The following IFT122 variants were observed in gnomAD, a reference collection of about 807,000 sequenced individuals.
IFT122 encodes the protein intraflagellar transport protein 122 homolog.
A neutral mutation model predicts 161.6 loss-of-function variants in IFT122; 118 were observed. That is an observed-to-expected ratio of 0.73 (90% CI 0.63 to 0.85). The LOEUF is 0.85. Ranked by LOEUF, IFT122 falls within the 40% of genes least tolerant of loss-of-function variation. The pLI, the probability that IFT122 is intolerant of heterozygous loss-of-function variation, is 0.00. For missense variants in IFT122, 1,381 were observed against 1,579.6 expected (o/e 0.87, Z 2.13); for synonymous variants, 550 against 602.4 (o/e 0.91, Z 1.27).
At chr3:129,476,583 A>C in intron 10 of IFT122, 77 bp downstream of exon 10, 1 of 1,613,492 alleles carries the variant, frequency 6.2e-7, no homozygotes, top group Non-Finnish European at 8.5e-7. Flanking sequence ...GAGTCACATC[A>C]CTGGGGTTTG....
chr3:129,472,799 T>G, intron 9 of IFT122, among the ~76,000 whole-genome samples: 1 of 152,200 alleles, frequency 6.6e-6, no homozygotes, highest in East Asian at 1.9e-4. Context: ...ATCTTCAGAT[T>G]AGAGGATTTC....
At chr3:129,514,621 C>T in intron 25 of IFT122, 67 bp downstream of exon 25, 1 of 1,577,228 alleles carries the variant, frequency 6.3e-7, no homozygotes, top group Admixed American at 1.7e-5. Flanking sequence ...TGCCTTCTTG[C>T]CTGGCCTGGG....
rs1321674050 is a variant in IFT122 at position 129,478,199 on chromosome 3, A to G, written c.1331A>G (p.Asn444Ser). The change falls in exon 12 of 30, where the codon AAT becomes AGT. Residue 444 changes from asparagine (N) to serine (S), a missense_variant. Coordinates refer to ENST00000348417, the MANE Select transcript of IFT122 (RefSeq NM_052989.3). ...FECNLLVVCA[N>S]HIILCQEKRL... The stretch of plus-strand genomic sequence containing the variant: ...TGCAACCTCCTGGTGGTGTGTGCCA[A>G]TCACATCATCCTGTGCCAGGTGGGC... 1.1e-5 allele frequency: 17 copies of G among 1,614,084 alleles called. No homozygotes were observed. The Admixed American group carries it at 1.2e-4, about 11-fold the overall frequency.
intron 23 of IFT122, among the ~76,000 whole-genome samples, chr3:129,510,577 C>G (rs1190643252): frequency 6.6e-6 from 1 of 152,100 alleles, no homozygotes; most frequent in East Asian, 1.9e-4. Context: ...TCACTTTGCC[C>G]AAGCCACTCC....
intron 3 of IFT122, among the ~76,000 whole-genome samples, chr3:129,454,513 T>TTTTTTGTG: frequency 7.6e-6 from 1 of 131,280 alleles, no homozygotes; most frequent in South Asian, 2.7e-4. Flanking sequence ...GTAGTCATAT[T>TTTTTTGTG]TGTGTGTGTG....
rs766644614 is a variant in IFT122 at position 129,464,794 on chromosome 3, T to G, written c.563+13T>G. On this transcript the variant is annotated intron_variant, in intron 7 of 29. Coordinates refer to ENST00000348417, the MANE Select transcript of IFT122 (RefSeq NM_052989.3). Reference sequence around the variant, plus strand: ...GGAACCCTTCAAGGTACTCTTAAAGTTGTCCTCCTTCTAGAACAAACACCA... The same window carrying G: ...GGAACCCTTCAAGGTACTCTTAAAGGTGTCCTCCTTCTAGAACAAACACCA... 2.5e-6 allele frequency: 4 copies of G among 1,613,960 alleles called. No individual in the cohort carries two copies. The Admixed American group carries it at 6.7e-5, about 27-fold the overall frequency.
chr3:129,516,090 C>T (rs1578182504), intron 26 of IFT122, among the ~76,000 whole-genome samples: 1 of 135,504 alleles, frequency 7.4e-6, no homozygotes, highest in East Asian at 2.5e-4. Flanking sequence ...CACACACAGA[C>T]TGCTCCTGCA....
chr3:129,480,284 A>AG (rs772371247), intron 13 of IFT122, among the ~76,000 whole-genome samples: 14 of 152,340 alleles, frequency 9.2e-5, no homozygotes, highest in Non-Finnish European at 5.9e-5. Flanking sequence ...TGATTAGGGC[A>AG]GCGAGTGGAT....
In IFT122 at chr3:129,481,511, T is replaced by G. The variant is rs765103886; in HGVS notation, c.1489-19T>G. ...TGTTGCCATGGTGACTGACACTGTT[T>G]TCGCTGAAATTTTGCCAGATCCTGA... is the stretch of plus-strand genomic sequence containing the variant. On this transcript the variant is annotated intron_variant, in intron 13 of 29. Transcript: ENST00000348417. 1.3e-6 allele frequency: 2 copies of G among 1,508,006 alleles called. No homozygotes were observed. Among genetic ancestry groups the G allele is most frequent in the Non-Finnish European group, 1.8e-6 (2 of 1,084,936 alleles). The allele number at this position is 1,508,006 out of a possible 1,614,324, so 93.4% of individuals were successfully genotyped here.
intron 1 of IFT122, among the ~76,000 whole-genome samples, chr3:129,441,306 TCA>T (rs1180319422): frequency 6.6e-6 from 1 of 152,204 alleles, no homozygotes; most frequent in Non-Finnish European, 1.5e-5. Context: ...TCTCCTCATC[TCA>T]CACGGAAATC....
Position 129,520,203 on chromosome 3 carries a change from C to T in IFT122, c.3664C>T (p.Leu1222=). The T allele has an allele frequency of 6.2e-7, 1 of 1,612,390 alleles. No individual in the cohort carries two copies. The highest frequency in any genetic ancestry group is 1.7e-5 in the Admixed American group (1 of 59,998). Reference sequence around the variant, plus strand: ...GTTCCATTCTGAGGACTATGAGTTGCTGGTGCTTCAGCATGGCTGCTGCCC... The same window carrying T: ...GTTCCATTCTGAGGACTATGAGTTGTTGGTGCTTCAGCATGGCTGCTGCCC... ...QMFHSEDYEL[L]VLQHGCCPYC... The change falls in exon 30 of 30, where the codon CTG becomes TTG. Residue 1222 remains leucine, a synonymous_variant. Coordinates refer to ENST00000348417, the MANE Select transcript of IFT122 (RefSeq NM_052989.3).
chr3:129,483,431 G>T, intron 14 of IFT122, 54 bp from the exon 15 acceptor site: 3 of 1,498,178 alleles, frequency 2.0e-6, no homozygotes, highest in East Asian at 2.3e-5. Context: ...ATGTGTGAGC[G>T]CTGACCAAGC....
rs1329909665 is a variant in IFT122, at chr3:129,499,941, C to T, written c.2248C>T (p.Leu750=). The T allele has an allele frequency of 1.2e-6, 2 of 1,614,216 alleles. No homozygotes were observed. Among genetic ancestry groups the T allele is most frequent in the Non-Finnish European group, 1.7e-6 (2 of 1,180,038 alleles). The change falls in exon 19 of 30, where the codon CTA becomes TTA. Residue 750 remains leucine (L), a synonymous_variant. Transcript: ENST00000348417. The part of the protein sequence containing the change: ...GSGDPKETKM[L]ITKQADWARN... ...TGGAGACCCCAAAGAAACAAAGATG[C>T]TAATCACCAAACAGGCTGACTGGGC...
intron 11 of IFT122, 82 bp from the exon 12 acceptor site, chr3:129,477,934 G>A (rs766830993): frequency 1.2e-5 from 14 of 1,201,814 alleles, no homozygotes; most frequent in Non-Finnish European, 1.6e-5. Flanking sequence ...GTAGCGCTAA[G>A]TAAATGATGG....
chr3:129,493,110 G>A (rs1374672998), intron 17 of IFT122, among the ~76,000 whole-genome samples: 1 of 152,102 alleles, frequency 6.6e-6, no homozygotes, highest in Non-Finnish European at 1.5e-5. Flanking sequence ...GAGCTACCAT[G>A]CCCGGCCCTT....
At chr3:129,483,110 T>C (rs1374834336) in intron 14 of IFT122, among the ~76,000 whole-genome samples, 4 of 151,676 alleles carry the variant, frequency 2.6e-5, no homozygotes, top group African/African-American at 9.7e-5. Flanking sequence ...TGCCCCTCCC[T>C]CTACACATAA....
intron 1 of IFT122, among the ~76,000 whole-genome samples, chr3:129,445,118 G>A (rs2073826503): frequency 6.6e-6 from 1 of 152,102 alleles, no homozygotes; most frequent in Non-Finnish European, 1.5e-5. Flanking sequence ...TTGAGGTCAG[G>A]AGTTCGAGAC....
intron 22 of IFT122, 90 bp from the exon 23 acceptor site, chr3:129,507,578 G>A: frequency 1.0e-6 from 1 of 960,772 alleles, no homozygotes; most frequent in Non-Finnish European, 1.7e-6. Flanking sequence ...GCTGGGAAAA[G>A]TACTGTTGCC....
At chr3:129,449,250 G>A (rs541779917) in intron 1 of IFT122, among the ~76,000 whole-genome samples, 2 of 152,172 alleles carry the variant, frequency 1.3e-5, no homozygotes, top group African/African-American at 4.8e-5. Context: ...ATAGGTCATT[G>A]ATTATAAAAT....
Sources: allele counts gnomAD v4.1 joint callset (sites outside exome capture counted in the v4.1 genomes callset), GRCh38; gene constraint gnomAD v4.1.1; transcripts MANE v1.5; gene names NCBI Gene and HGNC (gene_info 2026-07-23, HGNC 2026-07-21).